Variants in PSD4 observed in about 807,000 individuals in gnomAD.
The protein encoded by PSD4 is PH and SEC7 domain-containing protein 4.
A neutral mutation model predicts 112.5 loss-of-function variants in PSD4; 59 were observed. The ratio of observed to expected loss-of-function variants is 0.52; its 90% CI spans 0.43 to 0.65. PSD4 has a LOEUF of 0.65. PSD4 is among the 30% of genes least tolerant of loss of function. PSD4 has a pLI of 0.00. For synonymous variants in PSD4, 533 were observed against 540.0 expected (o/e 0.99, Z 0.18); for missense variants, 1,267 against 1,352.6 (o/e 0.94, Z 0.99).
chr2:113,202,228 C>A lies in PSD4; in HGVS notation c.*813C>A, dbSNP rs887335119. The A allele has an allele frequency of 1.3e-5, 2 of 152,460 alleles. No individual in the cohort carries two copies. Among genetic ancestry groups the A allele is most frequent in the Admixed American group, 6.5e-5 (1 of 15,292 alleles). 9.4% of individuals were successfully genotyped at this position (152,460 alleles called of 1,614,324 possible). ...GCAGGGAACCCTGGAACCCTAGGAACAAGGAGCCTTTGTTCCAACAGAGCA... is the reference window on the plus strand; with the variant it reads ...GCAGGGAACCCTGGAACCCTAGGAAAAAGGAGCCTTTGTTCCAACAGAGCA... On this transcript the variant is annotated 3_prime_UTR_variant, in exon 17 of 17. Transcript: ENST00000245796.
At chr2:113,193,719 G>A in intron 9 of PSD4, 69 bp downstream of exon 9, 2 of 1,571,150 alleles carry the variant, frequency 1.3e-6, no homozygotes, top group Non-Finnish European at 1.8e-6. Flanking sequence ...GAGAAGACCA[G>A]AGGCCTGAGA....
Position 113,208,898 on chromosome 2 carries a change from C to T in PSD4, c.*7483C>T, listed in dbSNP as rs548670509. 2.0e-5 allele frequency: 3 copies of T among 152,298 alleles called. No individual in the cohort carries two copies. Among genetic ancestry groups the T allele is most frequent in the South Asian group, 2.1e-4 (1 of 4,826 alleles). The allele number at this position is 152,298 out of a possible 1,614,324, so 9.4% of individuals were successfully genotyped here. On this transcript the variant is annotated 3_prime_UTR_variant, in exon 17 of 17. Transcript: ENST00000245796. ...GAAGAAAGAATTGAAACATACAGAT[C>T]GTTTCTTTGCTCAAGGGAGTGTGGA...
At chr2:113,194,448 C>T (rs1688541347) in intron 10 of PSD4, among the ~76,000 whole-genome samples, 1 of 152,236 alleles carries the variant, frequency 6.6e-6, no homozygotes, top group Admixed American at 6.5e-5. Flanking sequence ...GTGCTTGGCA[C>T]ATAGCATGTG....
chr2:113,184,115 C>A (rs1441048410), intron 2 of PSD4, among the ~76,000 whole-genome samples: 3 of 152,204 alleles, frequency 2.0e-5, no homozygotes, highest in African/African-American at 7.2e-5. Context: ...CAATAGGGAG[C>A]ACAGTTTTCC....
chr2:113,180,101 C>T (rs545918290), intron 1 of PSD4, among the ~76,000 whole-genome samples: 18 of 152,278 alleles, frequency 1.2e-4, no homozygotes, highest in African/African-American at 3.1e-4. Context: ...AGAAAAAAGG[C>T]GTGGGGCAAA....
At chr2:113,186,355 CA>C in intron 5 of PSD4, 100 bp downstream of exon 5, 1 of 1,267,048 alleles carries the variant, frequency 7.9e-7, no homozygotes, top group Non-Finnish European at 1.1e-6. Context: ...TGGAATTAAA[CA>C]TACCCATATT....
intron 14 of PSD4, 144 bp downstream of exon 14, chr2:113,198,057 C>CA: frequency 9.3e-7 from 1 of 1,078,010 alleles, no homozygotes; most frequent in Non-Finnish European, 1.3e-6. Context: ...TAGAAAGCGG[C>CA]AGCAGGAAGA....
Position 113,189,969 on chromosome 2 carries a change from A to G in PSD4, c.1629-2411A>G, listed in dbSNP as rs553526980. Among the ~76,000 whole-genome samples, 38 of 152,060 alleles carry G rather than the reference A, an allele frequency of 2.5e-4. No homozygotes were observed. The South Asian group carries it at 6.4e-3, about 26-fold the overall frequency. On this transcript the variant is annotated intron_variant, in intron 5 of 16. Coordinates refer to ENST00000245796, the MANE Select transcript of PSD4 (RefSeq NM_012455.3). The stretch of plus-strand genomic sequence containing the variant: ...TTTTTTCCCACTCTGTGGGTTTTCT[A>G]TTTACTCTGCTGACTGTTCCTTTTG...
chr2:113,192,402 A>T lies in PSD4; in HGVS notation c.1651A>T (p.Asn551Tyr). The change falls in exon 6 of 17, where the codon AAC (asparagine) becomes TAC (tyrosine). Residue 551 changes from asparagine (N) to tyrosine (Y), a missense_variant. Transcript: ENST00000245796. ...AEHENLRTPM[N>Y]SSWLPGSPMP... ...AAGTGAGAATCTGAGGACACCGATG[A>T]ACTCTTCTTGGCTTCCTGGGAGCCC... 1 of 1,614,210 alleles carries T rather than the reference A, an allele frequency of 6.2e-7. No individual in the cohort carries two copies. Among genetic ancestry groups the T allele is most frequent in the African/African-American group, 1.3e-5 (1 of 75,074 alleles).
intron 5 of PSD4, among the ~76,000 whole-genome samples, chr2:113,188,369 G>A (rs1353350445): frequency 6.6e-6 from 1 of 150,742 alleles, no homozygotes; most frequent in East Asian, 2.0e-4. Context: ...TTAGCCTTCC[G>A]AGTAGCTGGG....
chr2:113,181,529 G>C lies in PSD4; in HGVS notation c.-111-817G>C, dbSNP rs533789794. 4.6e-5 allele frequency among the ~76,000 whole-genome samples: 7 copies of C among 152,318 alleles called. No homozygotes were observed. In the Middle Eastern group the frequency reaches 0.014, roughly 296 times the overall value. On this transcript the variant is annotated intron_variant, in intron 1 of 16. Coordinates refer to ENST00000245796, the MANE Select transcript of PSD4 (RefSeq NM_012455.3). ...CACCCAGAGTGTTAGTGCAGGCTGT[G>C]CACACAGCAGCTCTGGGCAGATGTG... is the stretch of plus-strand genomic sequence containing the variant.
intron 16 of PSD4, 133 bp downstream of exon 16, chr2:113,199,359 C>T: frequency 8.7e-7 from 1 of 1,148,736 alleles, no homozygotes; most frequent in Non-Finnish European, 1.1e-6. Flanking sequence ...CGGGCGGGGC[C>T]CGCGTGCGCC....
chr2:113,193,951 A>T lies in PSD4; in HGVS notation c.2181+3A>T. The stretch of plus-strand genomic sequence containing the variant: ...ACTTCCCCAAGGAGCTGCTGAAGGT[A>T]TGTGCCACGGGGTCTTCTTATGAGC... On this transcript the variant is annotated splice_donor_region_variant and intron_variant, in intron 10 of 16. Coordinates refer to ENST00000245796, the MANE Select transcript of PSD4 (RefSeq NM_012455.3). The T allele has an allele frequency of 6.2e-7, 1 of 1,613,848 alleles. No individual in the cohort carries two copies. Among genetic ancestry groups the T allele is most frequent in the Non-Finnish European group, 8.5e-7 (1 of 1,179,812 alleles).
chr2:113,194,617 C>T (rs1253257867), intron 10 of PSD4, among the ~76,000 whole-genome samples: 1 of 152,156 alleles, frequency 6.6e-6, no homozygotes, highest in Non-Finnish European at 1.5e-5. Context: ...CACTGCACAC[C>T]AGGGCTATAT....
At chr2:113,192,701 TC>T in intron 6 of PSD4, 112 bp downstream of exon 6, 1 of 1,124,638 alleles carries the variant, frequency 8.9e-7, no homozygotes, top group Non-Finnish European at 1.3e-6. Flanking sequence ...CCTGTTCCCT[TC>T]CCATCTCCCC....
chr2:113,200,191 C>T (rs1688736307), intron 16 of PSD4, among the ~76,000 whole-genome samples: 1 of 152,192 alleles, frequency 6.6e-6, no homozygotes, highest in Non-Finnish European at 1.5e-5. Context: ...CCCCAACCCT[C>T]ACCCATCCAC....
At chr2:113,178,106 T>C (rs973556177) in intron 1 of PSD4, among the ~76,000 whole-genome samples, 2 of 152,094 alleles carry the variant, frequency 1.3e-5, no homozygotes, top group African/African-American at 4.8e-5. Context: ...TAGTCCCAGC[T>C]ACTTGGGAGG....
At chr2:113,192,866 T>C (rs893819447) in intron 6 of PSD4, among the ~76,000 whole-genome samples, 182 bp from the exon 7 acceptor site, 1 of 152,148 alleles carries the variant, frequency 6.6e-6, no homozygotes, top group Admixed American at 6.5e-5. Flanking sequence ...CTGAATAGGG[T>C]AGCAGGGCAT....
chr2:113,190,319 T>C (rs1688411299), intron 5 of PSD4, among the ~76,000 whole-genome samples: 1 of 152,234 alleles, frequency 6.6e-6, no homozygotes, highest in Admixed American at 6.5e-5. Flanking sequence ...TTTTGAAAAG[T>C]GTGTCCTTTC....
Sources: allele counts gnomAD v4.1 joint callset (sites outside exome capture counted in the v4.1 genomes callset), GRCh38; gene constraint gnomAD v4.1.1; transcripts MANE v1.5; gene names NCBI Gene and HGNC (gene_info 2026-07-23, HGNC 2026-07-21).